Variants in SDK1 observed in about 807,000 individuals in gnomAD.
SDK1 encodes the protein sidekick cell adhesion molecule 1.
SDK1 carries 157 observed loss-of-function variants against 245.5 expected under a neutral mutation model. The ratio of observed to expected loss-of-function variants is 0.64; its 90% CI spans 0.56 to 0.73. SDK1 has a LOEUF of 0.73. Ranked by LOEUF, SDK1 falls within the 30% of genes least tolerant of loss-of-function variation. The pLI is 0.00. For synonymous variants in SDK1, 1,647 were observed against 1,278.5 expected, an observed-to-expected ratio of 1.29 and a Z score of -6.15; for missense variants, 3,583 against 3,002.3, an observed-to-expected ratio of 1.19 and a Z score of -4.52.
intron 4 of SDK1, among the ~76,000 whole-genome samples, chr7:3,695,684 C>G (rs1017933439): frequency 2.0e-5 from 3 of 152,178 alleles, no homozygotes; most frequent in Admixed American, 1.3e-4. Context: ...CAACTCAACA[C>G]AGTTAATTGA....
At chr7:4,210,983 C>G (rs1474212588) in intron 38 of SDK1, among the ~76,000 whole-genome samples, 3 of 152,110 alleles carry the variant, frequency 2.0e-5, no homozygotes, top group Admixed American at 6.5e-5. Flanking sequence ...ATCTAGGGGC[C>G]CACGGTGGGC....
At chr7:4,251,776 TAA>T (rs1417287353) in intron 44 of SDK1, among the ~76,000 whole-genome samples, 1 of 152,270 alleles carries the variant, frequency 6.6e-6, no homozygotes, top group Non-Finnish European at 1.5e-5. Context: ...CAGGTCTTTT[TAA>T]GGCTAGTGGT....
chr7:4,212,435 T>G (rs902492102), intron 38 of SDK1, among the ~76,000 whole-genome samples: 1 of 152,122 alleles, frequency 6.6e-6, no homozygotes, highest in African/African-American at 2.4e-5. Flanking sequence ...AAATCACGTC[T>G]TAGACAATCG....
intron 17 of SDK1, among the ~76,000 whole-genome samples, chr7:4,031,846 G>A (rs1200980192): frequency 6.8e-6 from 1 of 146,996 alleles, no homozygotes; most frequent in Non-Finnish European, 1.5e-5. Context: ...GGCCAACATG[G>A]TGAAACTCTG....
intron 32 of SDK1, among the ~76,000 whole-genome samples, chr7:4,173,908 G>A (rs1421534079): frequency 1.3e-5 from 2 of 152,202 alleles, no homozygotes; most frequent in African/African-American, 2.4e-5. Flanking sequence ...CAGCCTCCTC[G>A]CCGTCTGTGT....
chr7:3,935,662 A>T (rs1780133513), intron 5 of SDK1, among the ~76,000 whole-genome samples: 1 of 152,246 alleles, frequency 6.6e-6, no homozygotes, highest in Admixed American at 6.5e-5. Flanking sequence ...AATGCAAATT[A>T]AAACCACAAT....
intron 1 of SDK1, among the ~76,000 whole-genome samples, chr7:3,499,555 G>C (rs1431911368): frequency 6.6e-6 from 1 of 152,180 alleles, no homozygotes; most frequent in Non-Finnish European, 1.5e-5. Context: ...AAACACGTCA[G>C]GTTTGCTAGC....
chr7:3,756,523 C>G (rs114249204), intron 4 of SDK1, among the ~76,000 whole-genome samples: 21 of 152,090 alleles, frequency 1.4e-4, no homozygotes, highest in African/African-American at 5.1e-4. Context: ...TGTGTCATTG[C>G]ATGTGTGTCA....
chr7:3,784,711 CAT>C (rs1369531743), intron 4 of SDK1, among the ~76,000 whole-genome samples: 5 of 152,138 alleles, frequency 3.3e-5, no homozygotes, highest in African/African-American at 1.2e-4. Flanking sequence ...GACAATATAA[CAT>C]GTGTTGGCCA....
At chr7:3,763,685 C>A (rs1036203356) in intron 4 of SDK1, among the ~76,000 whole-genome samples, 1 of 152,012 alleles carries the variant, frequency 6.6e-6, no homozygotes, top group African/African-American at 2.4e-5. Flanking sequence ...ACATGAGATT[C>A]ATAGATGCCA....
At chr7:4,245,367 ATCTG>A (rs1418985658) in intron 43 of SDK1, among the ~76,000 whole-genome samples, 4 of 151,928 alleles carry the variant, frequency 2.6e-5, no homozygotes, top group Non-Finnish European at 1.5e-5. Flanking sequence ...CCGGCCTCCT[ATCTG>A]TCCCGACCTC....
At chr7:3,676,619 CTTG>C (rs1783912774) in intron 4 of SDK1, among the ~76,000 whole-genome samples, 1 of 152,218 alleles carries the variant, frequency 6.6e-6, no homozygotes, top group African/African-American at 2.4e-5. Context: ...GCCACCACGC[CTTG>C]CCCTCTTCTA....
chr7:3,626,625 C>G (rs951410103), intron 2 of SDK1, among the ~76,000 whole-genome samples: 1 of 152,172 alleles, frequency 6.6e-6, no homozygotes, highest in Non-Finnish European at 1.5e-5. Flanking sequence ...CTAAGAGATA[C>G]CCCATTGACT....
intron 35 of SDK1, among the ~76,000 whole-genome samples, chr7:4,182,144 C>T (rs889407851): frequency 2.1e-4 from 32 of 152,218 alleles, no homozygotes; most frequent in African/African-American, 7.0e-4. Flanking sequence ...TGGTCTCAAT[C>T]TCCTGACCTC....
At chr7:3,564,277 T>C (rs1181334558) in intron 1 of SDK1, among the ~76,000 whole-genome samples, 2 of 152,058 alleles carry the variant, frequency 1.3e-5, no homozygotes, top group Non-Finnish European at 2.9e-5. Context: ...CAAAACTTGA[T>C]TCTTTGAAAG....
chr7:4,072,875 G>T (rs906782668), intron 20 of SDK1, among the ~76,000 whole-genome samples: 2 of 152,210 alleles, frequency 1.3e-5, no homozygotes, highest in Admixed American at 1.3e-4. Context: ...TGGAATGAGA[G>T]GGAAGCACGG....
intron 5 of SDK1, among the ~76,000 whole-genome samples, chr7:3,883,516 T>C (rs562137738): frequency 8.7e-4 from 133 of 152,274 alleles, no homozygotes; most frequent in Non-Finnish European, 1.4e-3. Context: ...GTTGCCAAAA[T>C]GAGTTCCAGA....
intron 5 of SDK1, among the ~76,000 whole-genome samples, chr7:3,828,547 A>G (rs1779833875): frequency 2.0e-5 from 3 of 151,882 alleles, no homozygotes; most frequent in Admixed American, 6.5e-5. Context: ...ATTGAATGTC[A>G]ATAATAATTG....
At chr7:4,233,154 C>A in intron 40 of SDK1, 101 bp from the exon 41 acceptor site, 2 of 1,137,290 alleles carry the variant, frequency 1.8e-6, no homozygotes, top group Non-Finnish European at 2.6e-6. Context: ...GATGCCTCAT[C>A]CAGGGCTGCT....
Sources: gnomAD v4.1 joint callset for allele counts (sites outside exome capture counted in the v4.1 genomes callset) on GRCh38, gnomAD v4.1.1 for gene constraint, MANE v1.5 for transcripts, NCBI Gene and HGNC (gene_info 2026-07-23, HGNC 2026-07-21) for gene names.